GINS4: variants seen among roughly 807,000 people sequenced by gnomAD.
GINS4 encodes the protein GINS complex subunit 4.
Under a neutral mutation model 31.1 loss-of-function variants are expected in GINS4, and 20 were observed. The observed-to-expected ratio is 0.64, with a 90% CI of 0.45 to 0.93. The LOEUF (loss-of-function observed/expected upper bound fraction) is 0.93. GINS4 is among the 40% of genes least tolerant of loss of function. The pLI is 0.00. For synonymous variants in GINS4, 85 were observed against 97.9 expected (o/e 0.87, Z 0.78); for missense variants, 245 against 273.9 (o/e 0.89, Z 0.75).
chr8:41,543,781 C>CT lies in GINS4; in HGVS notation c.*1695dup, dbSNP rs1348729441. 1.3e-5 allele frequency: 2 copies of CT among 151,938 alleles called. No individual in the cohort carries two copies. The highest frequency in any genetic ancestry group is 2.9e-5 in the Non-Finnish European group (2 of 68,004). 9.4% of individuals were successfully genotyped at this position (151,938 alleles called of 1,614,324 possible). A position where few individuals can be genotyped will look rare whatever the true frequency, so the allele number is the denominator to read the frequency against. On this transcript the variant is annotated 3_prime_UTR_variant, in exon 8 of 8. Coordinates refer to ENST00000276533, the MANE Select transcript of GINS4 (RefSeq NM_032336.3). The stretch of plus-strand genomic sequence containing the variant: ...GTGGCAGTGGTGTGAACACGGCTCA[C>CT]TGCAGCCTCCACCTCCTGGGTTCAA...
intron 6 of GINS4, 127 bp downstream of exon 6, chr8:41,540,131 G>C: frequency 2.8e-6 from 2 of 725,938 alleles, no homozygotes; most frequent in East Asian, 5.2e-5. Context: ...AGAAGAGCAA[G>C]GATTCTAGCT....
chr8:41,540,901 A>G (rs548523150), intron 6 of GINS4, among the ~76,000 whole-genome samples: 1 of 152,064 alleles, frequency 6.6e-6, no homozygotes, highest in Admixed American at 6.5e-5. Context: ...GCCCCCACAG[A>G]CTCAGTGTCT....
At chr8:41,533,830 T>A (rs1806693336) in intron 2 of GINS4, among the ~76,000 whole-genome samples, 1 of 152,206 alleles carries the variant, frequency 6.6e-6, no homozygotes, top group African/African-American at 2.4e-5. Context: ...AGTTGTCTTC[T>A]TCCGAGTCCT....
At position 41,539,585 on chromosome 8, in the gene GINS4, C is replaced by G. The variant is rs544557374; in HGVS notation, c.298-93C>G. ...CACCTCCAGGCCACATGTCCTTCCT[C>G]GGGAGGGTTGTGTAAACCCTCTTTA... On this transcript the variant is annotated intron_variant, in intron 4 of 7. Transcript: ENST00000276533. 3 of 868,864 alleles carry G rather than the reference C, an allele frequency of 3.5e-6. No homozygotes were observed. The South Asian group carries it at 4.5e-5, about 13-fold the overall frequency. 53.8% of individuals were successfully genotyped at this position (868,864 alleles called of 1,614,324 possible).
chr8:41,534,754 A>T (rs1463523868), intron 2 of GINS4, among the ~76,000 whole-genome samples: 23 of 150,782 alleles, frequency 1.5e-4, no homozygotes, highest in Admixed American at 1.5e-3. Flanking sequence ...TTTTTTTGAG[A>T]TGGAGTCTTG....
intron 2 of GINS4, among the ~76,000 whole-genome samples, chr8:41,532,404 A>G (rs1228373732): frequency 2.0e-5 from 3 of 152,262 alleles, no homozygotes; most frequent in Non-Finnish European, 2.9e-5. Context: ...GCAAGAATGT[A>G]GAGCAGCTGA....
intron 6 of GINS4, among the ~76,000 whole-genome samples, 165 bp from the exon 7 acceptor site, chr8:41,541,644 C>T (rs1806842717): frequency 6.6e-6 from 1 of 152,122 alleles, no homozygotes; most frequent in Non-Finnish European, 1.5e-5. Flanking sequence ...AATGCGTGTC[C>T]GGTTTCCTCC....
intron 4 of GINS4, 95 bp from the exon 5 acceptor site, chr8:41,539,583 C>T (rs1425247466): frequency 1.2e-6 from 1 of 859,732 alleles, no homozygotes; most frequent in Non-Finnish European, 1.9e-6. Flanking sequence ...CATGTCCTTC[C>T]TCGGGAGGGT....
intron 4 of GINS4, chr8:41,537,606 A>G (rs1002881352): frequency 4.3e-6 from 1 of 231,948 alleles, no homozygotes; most frequent in African/African-American, 2.2e-5. Context: ...TCAATAGTGA[A>G]TGCTGACTAG....
At chr8:41,540,934 A>G (rs1003978526) in intron 6 of GINS4, among the ~76,000 whole-genome samples, 3 of 152,060 alleles carry the variant, frequency 2.0e-5, no homozygotes, top group Admixed American at 6.6e-5. Flanking sequence ...TTCCTCATAG[A>G]TGGCGCCTTC....
chr8:41,542,317 G>A lies in GINS4; in HGVS notation c.*230G>A. The A allele has an allele frequency of 5.6e-6, 3 of 532,776 alleles. No homozygotes were observed. Among genetic ancestry groups the A allele is most frequent in the Non-Finnish European group, 1.0e-5 (3 of 293,970 alleles). 33.0% of individuals were successfully genotyped at this position (532,776 alleles called of 1,614,324 possible). On this transcript the variant is annotated 3_prime_UTR_variant, in exon 8 of 8. Coordinates refer to ENST00000276533, the MANE Select transcript of GINS4 (RefSeq NM_032336.3). ...GAGAATCGCTTGAACCTGGGAGCAG[G>A]AGGTTGCAGTGAGCCGAGGTCGTGC...
At chr8:41,530,099 A>G (rs1338875955) in intron 1 of GINS4, 85 bp from the exon 2 acceptor site, 2 of 891,772 alleles carry the variant, frequency 2.2e-6, no homozygotes, top group Non-Finnish European at 3.5e-6. Flanking sequence ...ACCTCAATAA[A>G]CCTTTCCTTT....
rs570483475 is a variant in GINS4 at position 41,542,467 on chromosome 8, C to T, written c.*380C>T. The T allele has an allele frequency of 1.1e-4, 27 of 245,132 alleles. No homozygotes were observed. The highest frequency in any genetic ancestry group is 2.2e-4 in the Non-Finnish European group (27 of 122,766). The allele number at this position is 245,132 out of a possible 1,614,324, so 15.2% of individuals were successfully genotyped here. A position where few individuals can be genotyped will look rare whatever the true frequency, so the allele number is the denominator to read the frequency against. On this transcript the variant is annotated 3_prime_UTR_variant, in exon 8 of 8. Transcript: ENST00000276533. Reference sequence around the variant, plus strand: ...ATCAAGACCATCCTGGCTACTAAACCCCATCTCTACTAAACCCATCTCTAC... The same window carrying T: ...ATCAAGACCATCCTGGCTACTAAACTCCATCTCTACTAAACCCATCTCTAC...
At chr8:41,540,116 C>A in intron 6 of GINS4, 112 bp downstream of exon 6, 1 of 780,736 alleles carries the variant, frequency 1.3e-6, no homozygotes, top group Non-Finnish European at 2.2e-6. Flanking sequence ...TGTAGATAAA[C>A]AGAAAGAAGA....
At chr8:41,530,729 G>A (rs1355057033) in intron 2 of GINS4, among the ~76,000 whole-genome samples, 2 of 152,052 alleles carry the variant, frequency 1.3e-5, no homozygotes, top group African/African-American at 2.4e-5. Flanking sequence ...TTCTTGAGTC[G>A]TCTGCTCTCC....
In GINS4 at chr8:41,529,323, G is replaced by C. The variant is rs1399276266; in HGVS notation, c.-93G>C. 6.5e-6 allele frequency: 1 copy of C among 152,696 alleles called. No individual in the cohort carries two copies. Among genetic ancestry groups the C allele is most frequent in the Non-Finnish European group, 1.5e-5 (1 of 68,436 alleles). The allele number at this position is 152,696 out of a possible 1,614,324, so 9.5% of individuals were successfully genotyped here. On this transcript the variant is annotated 5_prime_UTR_variant, in exon 1 of 8. Coordinates refer to ENST00000276533, the MANE Select transcript of GINS4 (RefSeq NM_032336.3). ...CTGTCTTCCCGCTTCCTGGTGCCCCGACTGCGTCCCCACGAACGCCCCGTC... is the reference window on the plus strand; with the variant it reads ...CTGTCTTCCCGCTTCCTGGTGCCCCCACTGCGTCCCCACGAACGCCCCGTC...
chr8:41,536,734 C>T (rs1431930246), intron 3 of GINS4, among the ~76,000 whole-genome samples: 1 of 152,232 alleles, frequency 6.6e-6, no homozygotes, highest in East Asian at 1.9e-4. Context: ...CTCCCTGCTC[C>T]CCACAGCCCC....
At chr8:41,537,371 G>C (rs1806760764) in intron 4 of GINS4, 78 bp downstream of exon 4, 1 of 1,096,076 alleles carries the variant, frequency 9.1e-7, no homozygotes, top group African/African-American at 1.6e-5. Context: ...GAAAACTTGG[G>C]CTGGGGCCCA....
At chr8:41,540,099 G>A (rs2150461251) in intron 6 of GINS4, 95 bp downstream of exon 6, 1 of 885,942 alleles carries the variant, frequency 1.1e-6, no homozygotes. Context: ...ATACAAAAAA[G>A]TAAGTATGTA....
Sources: allele counts gnomAD v4.1 joint callset (sites outside exome capture counted in the v4.1 genomes callset), GRCh38; gene constraint gnomAD v4.1.1; transcripts MANE v1.5; gene names NCBI Gene and HGNC (gene_info 2026-07-23, HGNC 2026-07-21).